CDIN1: variants seen among roughly 807,000 people sequenced by gnomAD.
CDIN1 encodes CDAN1 interacting nuclease 1, also known as CDAN1-interacting nuclease 1.
In CDIN1, 33 loss-of-function variants were observed where a neutral mutation model predicts 45.3. That is an observed-to-expected ratio of 0.73 (90% confidence interval 0.55 to 0.97). CDIN1 has a LOEUF of 0.97. CDIN1 is among the 50% of genes least tolerant of loss of function. CDIN1 has a pLI of 0.00. For synonymous variants in CDIN1, 118 were observed against 124.4 expected (o/e 0.95, Z 0.34); for missense variants, 303 against 339.4 (o/e 0.89, Z 0.84).
chr15:36,669,023 C>T (rs1381341708), intron 5 of CDIN1: 1 of 152,042 alleles, frequency 6.6e-6, no homozygotes, highest in Non-Finnish European at 1.5e-5. Flanking sequence ...TCGTTAGGTA[C>T]TCTTGAATTG....
At chr15:36,601,923 A>G (rs1038057370) in intron 1 of CDIN1, among the ~76,000 whole-genome samples, 1 of 152,184 alleles carries the variant, frequency 6.6e-6, no homozygotes, top group Non-Finnish European at 1.5e-5. Context: ...ATTAACTTGC[A>G]CCATACACCA....
intron 10 of CDIN1, among the ~76,000 whole-genome samples, chr15:36,732,744 A>G (rs985596928): frequency 1.3e-5 from 2 of 151,920 alleles, no homozygotes; most frequent in African/African-American, 4.8e-5. Context: ...AAAAAAAGTC[A>G]GGGGAATTAT....
At chr15:36,657,801 T>G (rs2040840656) in intron 4 of CDIN1, 32 bp from the exon 5 acceptor site, 1 of 1,566,656 alleles carries the variant, frequency 6.4e-7, no homozygotes, top group Non-Finnish European at 8.7e-7. Context: ...CACAACTTGA[T>G]AGTTTTAATT....
At chr15:36,651,988 A>C (rs1007263485) in intron 3 of CDIN1, among the ~76,000 whole-genome samples, 1 of 152,188 alleles carries the variant, frequency 6.6e-6, no homozygotes, top group Non-Finnish European at 1.5e-5. Flanking sequence ...TTTTGACTTA[A>C]AGCAACAGAT....
At chr15:36,725,149 G>A (rs1021248222) in intron 10 of CDIN1, among the ~76,000 whole-genome samples, 2 of 152,072 alleles carry the variant, frequency 1.3e-5, no homozygotes, top group African/African-American at 4.8e-5. Flanking sequence ...GCAACACCGA[G>A]GGACTCAGGT....
At chr15:36,683,297 G>A (rs1429630342) in intron 5 of CDIN1, among the ~76,000 whole-genome samples, 2 of 140,078 alleles carry the variant, frequency 1.4e-5, no homozygotes, top group South Asian at 2.4e-4. Flanking sequence ...TCTACATATG[G>A]CTAGCCAGTT....
intron 10 of CDIN1, among the ~76,000 whole-genome samples, chr15:36,742,970 G>A (rs2140945016): frequency 6.6e-6 from 1 of 152,296 alleles, no homozygotes; most frequent in South Asian, 2.1e-4. Flanking sequence ...TGAGTCATAA[G>A]AAAAGCACAA....
At chr15:36,751,537 T>C (rs570769844) in intron 10 of CDIN1, among the ~76,000 whole-genome samples, 1 of 150,862 alleles carries the variant, frequency 6.6e-6, no homozygotes, top group African/African-American at 2.4e-5. Context: ...CTACTAAAAA[T>C]ATAAAAAAAA....
At chr15:36,703,098 G>A (rs1235529559) in intron 8 of CDIN1, among the ~76,000 whole-genome samples, 1 of 149,874 alleles carries the variant, frequency 6.7e-6, no homozygotes, top group African/African-American at 2.5e-5. Flanking sequence ...CACGCCTGTT[G>A]TCCCAGCTAC....
At chr15:36,795,884 AG>A (rs1220058227) in intron 10 of CDIN1, among the ~76,000 whole-genome samples, 1 of 152,004 alleles carries the variant, frequency 6.6e-6, no homozygotes, top group African/African-American at 2.4e-5. Context: ...TTATTTTTCA[AG>A]GCAGAAATGA....
At chr15:36,616,894 C>T (rs1208951143) in intron 1 of CDIN1, among the ~76,000 whole-genome samples, 1 of 151,908 alleles carries the variant, frequency 6.6e-6, no homozygotes, top group African/African-American at 2.4e-5. Context: ...TACTGCACTC[C>T]AGCTTGGGTG....
At chr15:36,758,143 T>A (rs1470338170) in intron 10 of CDIN1, among the ~76,000 whole-genome samples, 1 of 152,116 alleles carries the variant, frequency 6.6e-6, no homozygotes, top group African/African-American at 2.4e-5. Flanking sequence ...ATAATACTAC[T>A]ATTCATAGGC....
chr15:36,794,151 C>T lies in CDIN1; in HGVS notation c.717-14173C>T, dbSNP rs186017533. Among the ~76,000 whole-genome samples the T allele has an allele frequency of 1.8e-4, 27 of 150,866 alleles. 1 individual carries two copies. The highest frequency in any genetic ancestry group is 5.6e-4 in the African/African-American group (23 of 41,210). On this transcript the variant is annotated intron_variant, in intron 10 of 10. Transcript: ENST00000566621. ...TCGGCTCACTGCAAGCTCCGCCTCC[C>T]GGGTTCACTCCATTCTCCTGCCTCA...
At chr15:36,800,907 GTGTATATATATATATATATA>G (rs1417534244) in intron 10 of CDIN1, among the ~76,000 whole-genome samples, 1,120 of 31,654 alleles carry the variant, frequency 0.035, 53 homozygotes, top group African/African-American at 0.092. Context: ...GTGTGTGTGT[GTGTATATATATATATATATA>G]TATATATATA....
At chr15:36,767,957 T>G (rs1469040256) in intron 10 of CDIN1, among the ~76,000 whole-genome samples, 2 of 152,198 alleles carry the variant, frequency 1.3e-5, no homozygotes, top group Non-Finnish European at 2.9e-5. Context: ...TGATTGAGTT[T>G]CTTCATAGGA....
At chr15:36,721,806 CTG>C (rs1488980914) in intron 10 of CDIN1, among the ~76,000 whole-genome samples, 2 of 151,974 alleles carry the variant, frequency 1.3e-5, no homozygotes, top group Non-Finnish European at 2.9e-5. Flanking sequence ...CTGTCTGTCT[CTG>C]TGGGCAGCTT....
chr15:36,660,100 C>A (rs2040948371), intron 5 of CDIN1, among the ~76,000 whole-genome samples: 1 of 150,124 alleles, frequency 6.7e-6, no homozygotes, highest in Non-Finnish European at 1.5e-5. Context: ...GCAGTCAAAT[C>A]ATCAAATTTC....
intron 10 of CDIN1, among the ~76,000 whole-genome samples, chr15:36,751,064 G>T (rs2053446310): frequency 6.6e-6 from 1 of 151,346 alleles, no homozygotes; most frequent in Non-Finnish European, 1.5e-5. Flanking sequence ...CATTTAGACG[G>T]TACTGGGTAA....
chr15:36,769,918 A>T lies in CDIN1; in HGVS notation c.717-38406A>T, dbSNP rs79247707. On this transcript the variant is annotated intron_variant, in intron 10 of 10. Transcript: ENST00000566621. The stretch of plus-strand genomic sequence containing the variant: ...AGCAGGGTACCCACCGGCAATTTTA[A>T]AAAGCTCTTTTTGCTCTATTGGGCC... Among the ~76,000 whole-genome samples the T allele has an allele frequency of 7.4e-4, 113 of 152,306 alleles. No individual in the cohort carries two copies. The East Asian group carries it at 0.018, about 25-fold the overall frequency.
Sources: allele counts gnomAD v4.1 joint callset (sites outside exome capture counted in the v4.1 genomes callset), GRCh38; gene constraint gnomAD v4.1.1; transcripts MANE v1.5; gene names NCBI Gene and HGNC (gene_info 2026-07-23, HGNC 2026-07-21).